The following THRB variants were observed in gnomAD, a reference collection of about 807,000 sequenced individuals.
THRB encodes nuclear receptor subfamily 1 group A member 2.
A neutral mutation model predicts 47.8 loss-of-function variants in THRB; 12 were observed. That is an observed-to-expected ratio of 0.25 (90% CI 0.16 to 0.41). The LOEUF is 0.41. Among genes scored for constraint, THRB ranks in the 10% least tolerant of loss-of-function variants. THRB has a pLI of 1.00. For missense variants in THRB, 348 were observed against 589.2 expected, an observed-to-expected ratio of 0.59 and a Z score of 4.24; for synonymous variants, 218 against 212.2, an observed-to-expected ratio of 1.03 and a Z score of -0.24.
At chr3:24,327,829 T>C (rs995341619) in intron 2 of THRB, among the ~76,000 whole-genome samples, 3 of 152,150 alleles carry the variant, frequency 2.0e-5, no homozygotes, top group Admixed American at 6.5e-5. Context: ...AACAGGCATA[T>C]TGGTGGGACA....
At chr3:24,156,395 G>A (rs1405510457) in intron 5 of THRB, among the ~76,000 whole-genome samples, 1 of 152,120 alleles carries the variant, frequency 6.6e-6, no homozygotes, top group African/African-American at 2.4e-5. Context: ...TGGCCCTTAG[G>A]GAATAGAATA....
At chr3:24,258,582 G>A (rs1310392324) in intron 3 of THRB, among the ~76,000 whole-genome samples, 1 of 152,072 alleles carries the variant, frequency 6.6e-6, no homozygotes, top group African/African-American at 2.4e-5. Flanking sequence ...CATGCAGGTG[G>A]GGCCATCTCA....
rs367888162 is a variant in THRB at position 24,330,056 on chromosome 3, A to T, written c.-189+7244T>A. 3.3e-5 allele frequency among the ~76,000 whole-genome samples: 5 copies of T among 152,230 alleles called. No individual in the cohort carries two copies. In the East Asian group the frequency reaches 5.8e-4, roughly 18 times the overall value. ...CGCGGTGGCTCACGCCTGTAATCCC[A>T]GCACTTTGGGAGGCCGAGGCGGGTG... On this transcript the variant is annotated intron_variant, in intron 2 of 10. Coordinates refer to ENST00000646209, the MANE Select transcript of THRB (RefSeq NM_001354712.2).
chr3:24,166,413 T>C (rs1031186167), intron 5 of THRB, among the ~76,000 whole-genome samples: 5 of 152,212 alleles, frequency 3.3e-5, no homozygotes, highest in African/African-American at 1.2e-4. Context: ...TTTGAGATTA[T>C]TTTCAAGATT....
rs1017236576 is a variant in THRB, at chr3:24,289,621, T to C, written c.-43+7605A>G. ...ATGACGTGAAAATTAAAATACCACT[T>C]GGCTTTTTATTATAGCAGCTACTCA... On this transcript the variant is annotated intron_variant, in intron 3 of 10. Transcript: ENST00000646209. 2.0e-5 allele frequency among the ~76,000 whole-genome samples: 3 copies of C among 152,314 alleles called. No individual in the cohort carries two copies. The East Asian group carries it at 5.8e-4, about 29-fold the overall frequency.
At chr3:24,188,928 T>C (rs1160360152) in intron 5 of THRB, among the ~76,000 whole-genome samples, 1 of 142,652 alleles carries the variant, frequency 7.0e-6, no homozygotes, top group African/African-American at 2.7e-5. Context: ...AAGGGACATG[T>C]ATAGTTTTGA....
intron 2 of THRB, among the ~76,000 whole-genome samples, chr3:24,330,316 A>AC (rs1559945573): frequency 6.7e-6 from 1 of 148,648 alleles, no homozygotes; most frequent in East Asian, 2.1e-4. Flanking sequence ...TCCGTCTCAA[A>AC]TAAAAAAAAA....
intron 1 of THRB, among the ~76,000 whole-genome samples, chr3:24,350,695 C>T (rs1455688132): frequency 6.6e-6 from 1 of 152,102 alleles, no homozygotes; most frequent in Non-Finnish European, 1.5e-5. Context: ...TGCTTCTTGT[C>T]AGTATTGCAT....
chr3:24,387,866 A>T (rs1490527754), intron 1 of THRB, among the ~76,000 whole-genome samples: 1 of 152,060 alleles, frequency 6.6e-6, no homozygotes, highest in Non-Finnish European at 1.5e-5. Context: ...GTAGGGAAAG[A>T]GACAGGCCCA....
chr3:24,349,338 T>C (rs1424718747), intron 1 of THRB, among the ~76,000 whole-genome samples: 1 of 152,014 alleles, frequency 6.6e-6, no homozygotes, highest in Non-Finnish European at 1.5e-5. Flanking sequence ...TTTTTTTTTC[T>C]GGTGGAAATT....
rs60099609 is a variant in THRB, at chr3:24,375,788, A to ATTTTC, written c.-260-38422_-260-38418dup. On this transcript the variant is annotated intron_variant, in intron 1 of 10. Transcript: ENST00000646209. ...GGACATTGAGGTCTGCTGGAATTTG[A>ATTTTC]TTTTCTTTTCTTTTCTTTTCTTTTT... Among the ~76,000 whole-genome samples, 1,096 of 151,734 alleles carry ATTTTC rather than the reference A, an allele frequency of 7.2e-3. 12 individuals carry two copies. The highest frequency in any genetic ancestry group is 0.021 in the African/African-American group (876 of 41,374).
chr3:24,438,795 A>T (rs1490375793), intron 1 of THRB, among the ~76,000 whole-genome samples: 1 of 152,168 alleles, frequency 6.6e-6, no homozygotes, highest in Non-Finnish European at 1.5e-5. Flanking sequence ...ATGAGAAGGT[A>T]GAAGCCCCTG....
At chr3:24,482,118 CTT>C (rs1696528464) in intron 1 of THRB, among the ~76,000 whole-genome samples, 1 of 152,208 alleles carries the variant, frequency 6.6e-6, no homozygotes, top group African/African-American at 2.4e-5. Flanking sequence ...GGGTCTCTCT[CTT>C]TGATTTCCTG....
chr3:24,483,649 C>A (rs1696814358), intron 1 of THRB, among the ~76,000 whole-genome samples: 1 of 152,062 alleles, frequency 6.6e-6, no homozygotes, highest in South Asian at 2.1e-4. Flanking sequence ...CCAGGTCTAG[C>A]AAGGTTAAAG....
At chr3:24,411,202 A>C (rs939644335) in intron 1 of THRB, among the ~76,000 whole-genome samples, 8 of 151,822 alleles carry the variant, frequency 5.3e-5, no homozygotes, top group Non-Finnish European at 1.0e-4. Flanking sequence ...TTATATGCTA[A>C]AGTCAAAGGC....
chr3:24,163,519 G>A (rs6798561), intron 5 of THRB, among the ~76,000 whole-genome samples: 2,411 of 152,200 alleles, frequency 0.016, 63 homozygotes, highest in African/African-American at 0.054. Context: ...TAGATTGACA[G>A]GTACCAATAT....
intron 5 of THRB, among the ~76,000 whole-genome samples, chr3:24,174,888 A>C (rs2040935750): frequency 6.6e-6 from 1 of 152,210 alleles, no homozygotes; most frequent in Non-Finnish European, 1.5e-5. Context: ...TAAGACTGAT[A>C]AGTGGTATTC....
At chr3:24,357,479 T>G (rs1219100756) in intron 1 of THRB, among the ~76,000 whole-genome samples, 1 of 151,326 alleles carries the variant, frequency 6.6e-6, no homozygotes, top group Non-Finnish European at 1.5e-5. Flanking sequence ...GAGCATATCA[T>G]GAAAAATGAG....
At chr3:24,444,481 T>C (rs544114471) in intron 1 of THRB, among the ~76,000 whole-genome samples, 394 of 142,544 alleles carry the variant, frequency 2.8e-3, no homozygotes, top group African/African-American at 0.01. Flanking sequence ...AAATAAATGA[T>C]TTTTTTGTCA....
Sources: gnomAD v4.1 joint callset for allele counts (sites outside exome capture counted in the v4.1 genomes callset) on GRCh38, gnomAD v4.1.1 for gene constraint, MANE v1.5 for transcripts, NCBI Gene and HGNC (gene_info 2026-07-23, HGNC 2026-07-21) for gene names.